The following CEP250 variants were observed in gnomAD, a reference collection of about 807,000 sequenced individuals.
CEP250 encodes the protein centrosomal protein 250.
Under a neutral mutation model 315.7 loss-of-function variants are expected in CEP250, and 242 were observed. The ratio of observed to expected loss-of-function variants is 0.77; its 90% CI spans 0.69 to 0.85. The LOEUF is 0.85. Ranked by LOEUF, CEP250 falls within the 40% of genes least tolerant of loss-of-function variation. The pLI is 0.00. For missense variants in CEP250, 2,515 were observed against 2,886.4 expected (o/e 0.87, Z 2.95); for synonymous variants, 1,088 against 1,175.0 (o/e 0.93, Z 1.51).
chr20:35,463,554 G>A (rs1288580942), intron 4 of CEP250, 21 bp from the exon 5 acceptor site: 4 of 1,598,558 alleles, frequency 2.5e-6, no homozygotes, highest in Non-Finnish European at 3.4e-6. Context: ...CATTGCCCAG[G>A]GCCTGTTCTT....
Position 35,490,645 on chromosome 20 carries a change from G to C in CEP250, c.2595G>C (p.Glu865Asp). ...VNQLREKWEK[E>D]RSWHQQELAK... is the part of the protein sequence containing the mutation. ...TTCCTTCATGTGGCCAGGAGAAGGAGCGCTCCTGGCACCAGCAGGAGCTGG... is the reference window on the plus strand; with the variant it reads ...TTCCTTCATGTGGCCAGGAGAAGGACCGCTCCTGGCACCAGCAGGAGCTGG... Residue 865 changes from glutamate to aspartate, a missense_variant, in exon 21 of 35, where the codon GAG becomes GAC. Coordinates refer to ENST00000397527, the MANE Select transcript of CEP250 (RefSeq NM_007186.6). The C allele has an allele frequency of 3.7e-6, 6 of 1,612,928 alleles. No homozygotes were observed. Among genetic ancestry groups the C allele is most frequent in the Non-Finnish European group, 5.1e-6 (6 of 1,179,784 alleles).
intron 12 of CEP250, among the ~76,000 whole-genome samples, 185 bp from the exon 13 acceptor site, chr20:35,473,186 TAAG>T (rs747345995): frequency 7.2e-5 from 11 of 152,206 alleles, no homozygotes; most frequent in Non-Finnish European, 1.3e-4. Flanking sequence ...TGACGAACTC[TAAG>T]AATCTAGAGC....
chr20:35,467,060 C>T lies in CEP250; in HGVS notation c.587C>T (p.Ser196Leu), dbSNP rs757282804. Residue 196 changes from serine to leucine, a missense_variant, in exon 8 of 35, where the codon TCA becomes TTA. Coordinates refer to ENST00000397527, the MANE Select transcript of CEP250 (RefSeq NM_007186.6). ...CGACGCCACTTCCTGGAAATGAAGT[C>T]AGCTACTGACAGGTCAGTGTGGGGA... ...TFRRHFLEMKSATDRDLMELK... is the reference protein window; with the variant it reads ...TFRRHFLEMKLATDRDLMELK... The T allele has an allele frequency of 1.9e-6, 3 of 1,611,382 alleles. No homozygotes were observed. The highest frequency in any genetic ancestry group is 2.5e-6 in the Non-Finnish European group (3 of 1,178,624).
At chr20:35,493,830 T>C (rs1345611288) in intron 23 of CEP250, among the ~76,000 whole-genome samples, 1 of 152,214 alleles carries the variant, frequency 6.6e-6, no homozygotes, top group African/African-American at 2.4e-5. Flanking sequence ...GTTTCAATTG[T>C]TCTTTCCGTC....
At chr20:35,463,776 C>A in intron 5 of CEP250, 145 bp downstream of exon 5, 1 of 522,382 alleles carries the variant, frequency 1.9e-6, no homozygotes, top group Non-Finnish European at 3.1e-6. Flanking sequence ...AGGTTTATCA[C>A]ACTGATATCT....
intron 31 of CEP250, 74 bp from the exon 32 acceptor site, chr20:35,507,961 G>C: frequency 6.2e-7 from 1 of 1,604,166 alleles, no homozygotes; most frequent in Non-Finnish European, 8.5e-7. Flanking sequence ...TGCCAGATTG[G>C]TCTGTGTGTC....
At chr20:35,508,319 T>TG (rs2064254330) in intron 32 of CEP250, 129 bp downstream of exon 32, 4 of 1,031,848 alleles carry the variant, frequency 3.9e-6, no homozygotes, top group Non-Finnish European at 5.6e-6. Context: ...TTAAGTTTGT[T>TG]TTTTTTTTTC....
intron 20 of CEP250, 32 bp downstream of exon 20, chr20:35,480,177 C>G (rs760870437): frequency 6.3e-7 from 1 of 1,585,794 alleles, no homozygotes; most frequent in East Asian, 2.3e-5. Context: ...GTATGGCCTC[C>G]CTTCCATGAG....
chr20:35,479,041 A>G (rs1016876912), intron 17 of CEP250, among the ~76,000 whole-genome samples, 190 bp from the exon 18 acceptor site: 3 of 152,166 alleles, frequency 2.0e-5, no homozygotes, highest in Non-Finnish European at 4.4e-5. Context: ...ACAGGGGAGC[A>G]TTCTTCCTGG....
chr20:35,495,055 G>T (rs1411910306), intron 24 of CEP250, among the ~76,000 whole-genome samples: 2 of 152,224 alleles, frequency 1.3e-5, no homozygotes, highest in African/African-American at 2.4e-5. Flanking sequence ...TTCTCAGGAA[G>T]TTGCATTTAA....
At chr20:35,460,142 A>T (rs534115522) in intron 3 of CEP250, 37 bp downstream of exon 3, 1 of 152,288 alleles carries the variant, frequency 6.6e-6, no homozygotes, top group African/African-American at 2.4e-5. Context: ...AAAGGCTGAA[A>T]AGGAGGGTGT....
chr20:35,518,524 C>G lies in CEP250; in HGVS notation c.*6898C>G, dbSNP rs978789746. On this transcript the variant is annotated 3_prime_UTR_variant, in exon 35 of 35. Coordinates refer to ENST00000397527, the MANE Select transcript of CEP250 (RefSeq NM_007186.6). ...CTCCCTCAACACACACCTTTAATTA[C>G]CAATTTTCAGAGTAAGGGGTTGAGG... 3 of 152,168 alleles carry G rather than the reference C, an allele frequency of 2.0e-5. No individual in the cohort carries two copies. Among genetic ancestry groups the G allele is most frequent in the African/African-American group, 7.2e-5 (3 of 41,434 alleles). The allele number at this position is 152,168 out of a possible 1,614,324, so 9.4% of individuals were successfully genotyped here.
chr20:35,500,525 C>G (rs2063973655), intron 28 of CEP250, among the ~76,000 whole-genome samples: 1 of 152,202 alleles, frequency 6.6e-6, no homozygotes, highest in Non-Finnish European at 1.5e-5. Flanking sequence ...TGTCATCTGG[C>G]TCAACCCTGT....
rs1319881190 is a variant in CEP250, at chr20:35,478,101, G to C, written c.2094G>C (p.Glu698Asp). Reference protein sequence around the residue: ...EKEEIQKKLSESRHQQEAATT... With the variant: ...EKEEIQKKLSDSRHQQEAATT... ...AAGAAATTCAAAAGAAACTAAGTGA[G>C]GTGAGAAGCCAAAATGGACACCATC... is the stretch of plus-strand genomic sequence containing the variant. The change falls in exon 17 of 35, where the codon GAG becomes GAC. Residue 698 changes from glutamate to aspartate, a missense_variant and splice_region_variant. By Grantham distance (45) the Glu-to-Asp change is conservative (BLOSUM62 2). Coordinates refer to ENST00000397527, the MANE Select transcript of CEP250 (RefSeq NM_007186.6). The C allele has an allele frequency of 1.2e-6, 2 of 1,604,170 alleles. No individual in the cohort carries two copies. The highest frequency in any genetic ancestry group is 1.7e-5 in the Admixed American group (1 of 59,726).
At chr20:35,474,914 C>T (rs2146812869) in intron 14 of CEP250, 1 of 467,436 alleles carries the variant, frequency 2.1e-6, no homozygotes, top group South Asian at 1.6e-5. Flanking sequence ...TCCCTCCTCT[C>T]CTGTGCCCCA....
intron 14 of CEP250, among the ~76,000 whole-genome samples, chr20:35,474,450 G>A (rs537892117): frequency 6.6e-6 from 1 of 152,350 alleles, no homozygotes; most frequent in South Asian, 2.1e-4. Context: ...TTATGGAGGA[G>A]AGAGTAGACT....
At chr20:35,495,122 A>G (rs988919992) in intron 24 of CEP250, among the ~76,000 whole-genome samples, 2 of 152,224 alleles carry the variant, frequency 1.3e-5, no homozygotes, top group African/African-American at 4.8e-5. Flanking sequence ...GGGGAGTTCT[A>G]TTCCGTAAGA....
Position 35,490,675 on chromosome 20 carries a change from G to A in CEP250, c.2625G>A (p.Lys875=), listed in dbSNP as rs1601241738. ...CCTGGCACCAGCAGGAGCTGGCAAA[G>A]GCTCTGGAGAGCTTAGAAAGGGAAA... ...ERSWHQQELA[K]ALESLEREKM... is the part of the protein sequence containing the mutation. Residue 875 remains lysine (K), a synonymous_variant, in exon 21 of 35, where the codon AAG becomes AAA. Coordinates refer to ENST00000397527, the MANE Select transcript of CEP250 (RefSeq NM_007186.6). 6.2e-7 allele frequency: 1 copy of A among 1,613,828 alleles called. No homozygotes were observed. Among genetic ancestry groups the A allele is most frequent in the Non-Finnish European group, 8.5e-7 (1 of 1,179,916 alleles).
intron 9 of CEP250, 110 bp downstream of exon 9, chr20:35,467,665 GAGA>G (rs1349322389): frequency 8.0e-7 from 1 of 1,255,900 alleles, no homozygotes; most frequent in African/African-American, 1.5e-5. Context: ...CATGGAGGGG[GAGA>G]AGATGTGCCC....
Sources: allele counts gnomAD v4.1 joint callset (sites outside exome capture counted in the v4.1 genomes callset), GRCh38; gene constraint gnomAD v4.1.1; transcripts MANE v1.5; gene names NCBI Gene and HGNC (gene_info 2026-07-23, HGNC 2026-07-21).